The following GFRAL variants were observed in gnomAD, a reference collection of about 807,000 sequenced individuals.
GFRAL encodes the protein GDNF family receptor alpha-like.
A neutral mutation model predicts 45.4 loss-of-function variants in GFRAL; 36 were observed. That is an observed-to-expected ratio of 0.79 (90% CI 0.61 to 1.05). GFRAL has a LOEUF of 1.05. Among genes scored for constraint, GFRAL ranks in the 50% least tolerant of loss-of-function variants. The pLI is 0.00. For missense variants in GFRAL, 507 were observed against 467.5 expected, an observed-to-expected ratio of 1.08 and a Z score of -0.78; for synonymous variants, 166 against 154.1, an observed-to-expected ratio of 1.08 and a Z score of -0.57.
At chr6:55,366,073 A>C (rs1768358442) in intron 6 of GFRAL, among the ~76,000 whole-genome samples, 1 of 150,606 alleles carries the variant, frequency 6.6e-6, no homozygotes. Flanking sequence ...CTGGTCCTTG[A>C]CTCTTTTTGG....
At chr6:55,384,461 C>T (rs1346184323) in intron 6 of GFRAL, among the ~76,000 whole-genome samples, 1 of 151,184 alleles carries the variant, frequency 6.6e-6, no homozygotes. Context: ...TCCCATTGGC[C>T]CCACAATTCT....
intron 6 of GFRAL, among the ~76,000 whole-genome samples, chr6:55,370,217 A>G (rs946562214): frequency 3.3e-5 from 5 of 152,044 alleles, no homozygotes; most frequent in Non-Finnish European, 7.4e-5. Context: ...TAACATTGTC[A>G]TGATTTTTGA....
intron 6 of GFRAL, among the ~76,000 whole-genome samples, chr6:55,385,743 GTT>G (rs1768673737): frequency 6.6e-6 from 1 of 152,060 alleles, no homozygotes; most frequent in African/African-American, 2.4e-5. Flanking sequence ...TAAAAAGTTT[GTT>G]TGATGAGAGG....
chr6:55,388,164 C>T (rs1283233199), intron 6 of GFRAL, among the ~76,000 whole-genome samples: 1 of 152,172 alleles, frequency 6.6e-6, no homozygotes, highest in Admixed American at 6.5e-5. Flanking sequence ...GACTGATGTT[C>T]TACTTCTGCA....
chr6:55,348,762 AT>A (rs1768078786), intron 3 of GFRAL, among the ~76,000 whole-genome samples: 1 of 152,054 alleles, frequency 6.6e-6, no homozygotes, highest in Admixed American at 6.6e-5. Flanking sequence ...GCACACGGAG[AT>A]TATGGCTCCA....
intron 6 of GFRAL, among the ~76,000 whole-genome samples, chr6:55,387,246 A>G (rs1323544034): frequency 6.6e-6 from 1 of 152,212 alleles, no homozygotes; most frequent in Non-Finnish European, 1.5e-5. Flanking sequence ...AACAGCCTTC[A>G]GTACATGAAA....
intron 6 of GFRAL, among the ~76,000 whole-genome samples, chr6:55,383,704 G>T (rs1768643899): frequency 6.6e-6 from 1 of 151,920 alleles, no homozygotes; most frequent in Non-Finnish European, 1.5e-5. Flanking sequence ...ACACATGATT[G>T]TACATACCTT....
intron 6 of GFRAL, among the ~76,000 whole-genome samples, chr6:55,362,498 A>G (rs1401958544): frequency 6.6e-6 from 1 of 151,888 alleles, no homozygotes; most frequent in East Asian, 1.9e-4. Flanking sequence ...CCACTTACCT[A>G]CTAACCTATG....
intron 6 of GFRAL, 130 bp downstream of exon 6, chr6:55,359,268 AT>A: frequency 1.5e-6 from 1 of 679,902 alleles, no homozygotes; most frequent in African/African-American, 1.8e-5. Flanking sequence ...TTGGTATTGC[AT>A]TTGAAAATTT....
intron 6 of GFRAL, among the ~76,000 whole-genome samples, chr6:55,376,253 G>A (rs1256658012): frequency 2.6e-5 from 4 of 152,052 alleles, no homozygotes; most frequent in East Asian, 3.9e-4. Flanking sequence ...TGCTGGATTC[G>A]GTTTGCCAAT....
At chr6:55,376,561 G>A (rs975348742) in intron 6 of GFRAL, among the ~76,000 whole-genome samples, 7 of 151,838 alleles carry the variant, frequency 4.6e-5, no homozygotes, top group African/African-American at 7.3e-5. Flanking sequence ...TTTCTTCCTG[G>A]TTCAGTCTCG....
intron 3 of GFRAL, among the ~76,000 whole-genome samples, chr6:55,339,551 T>A (rs1032006349): frequency 6.6e-6 from 1 of 152,042 alleles, no homozygotes; most frequent in Non-Finnish European, 1.5e-5. Flanking sequence ...ATGACCTATT[T>A]GAAGAAACCA....
chr6:55,349,016 T>C (rs1445791369), intron 3 of GFRAL, among the ~76,000 whole-genome samples: 1 of 152,126 alleles, frequency 6.6e-6, no homozygotes, highest in African/African-American at 2.4e-5. Flanking sequence ...AGATATGGAA[T>C]AGTAGCACAG....
At chr6:55,340,168 A>G (rs1767943414) in intron 3 of GFRAL, among the ~76,000 whole-genome samples, 1 of 152,208 alleles carries the variant, frequency 6.6e-6, no homozygotes, top group Admixed American at 6.5e-5. Context: ...ATGAGAAAGA[A>G]CATGATAATT....
intron 6 of GFRAL, among the ~76,000 whole-genome samples, chr6:55,372,633 A>G (rs1192727601): frequency 6.6e-6 from 1 of 152,112 alleles, no homozygotes; most frequent in East Asian, 1.9e-4. Flanking sequence ...ATAAAGGAGC[A>G]TTTTATGGTT....
intron 6 of GFRAL, among the ~76,000 whole-genome samples, chr6:55,365,071 G>A (rs1414220017): frequency 1.3e-5 from 2 of 151,218 alleles, no homozygotes; most frequent in Non-Finnish European, 2.9e-5. Context: ...CTACCCATGA[G>A]CATGGAATGT....
chr6:55,386,878 G>C (rs554237304), intron 6 of GFRAL, among the ~76,000 whole-genome samples: 1 of 152,232 alleles, frequency 6.6e-6, no homozygotes, highest in South Asian at 2.1e-4. Flanking sequence ...TTTGGCTAAG[G>C]CTTCCTATTT....
At chr6:55,352,935 A>G (rs142512332) in intron 5 of GFRAL, among the ~76,000 whole-genome samples, 15 of 152,212 alleles carry the variant, frequency 9.9e-5, no homozygotes, top group Admixed American at 3.9e-4. Flanking sequence ...CAGAGAGAAG[A>G]CAGATATTAA....
chr6:55,390,616 G>A (rs1343284914), intron 6 of GFRAL, among the ~76,000 whole-genome samples: 1 of 152,004 alleles, frequency 6.6e-6, no homozygotes, highest in Non-Finnish European at 1.5e-5. Context: ...TAGGCCAGGC[G>A]TGGTGGCTCA....
Sources: gnomAD v4.1 joint callset for allele counts (sites outside exome capture counted in the v4.1 genomes callset) on GRCh38, gnomAD v4.1.1 for gene constraint, MANE v1.5 for transcripts, NCBI Gene and HGNC (gene_info 2026-07-23, HGNC 2026-07-21) for gene names.